The following ESRRG variants were observed in gnomAD, a reference collection of about 807,000 sequenced individuals.
ESRRG encodes estrogen related receptor gamma.
In ESRRG, 13 loss-of-function variants were observed where a neutral mutation model predicts 44.0. The observed-to-expected ratio is 0.30, with a 90% CI of 0.19 to 0.47. The LOEUF is 0.47. Among genes scored for constraint, ESRRG ranks in the 20% least tolerant of loss-of-function variants. ESRRG has a pLI of 1.00. For missense variants in ESRRG, 395 were observed against 580.6 expected, an observed-to-expected ratio of 0.68 and a Z score of 3.29; for synonymous variants, 215 against 214.6, an observed-to-expected ratio of 1.00 and a Z score of -0.02.
At chr1:217,009,168 C>T (rs1447123983) in intron 1 of ESRRG, among the ~76,000 whole-genome samples, 1 of 152,174 alleles carries the variant, frequency 6.6e-6, no homozygotes, top group African/African-American at 2.4e-5. Flanking sequence ...CTAAATGCTA[C>T]ATGCTTGAAA....
chr1:217,004,651 G>T (rs1560441095), intron 1 of ESRRG, among the ~76,000 whole-genome samples: 1 of 152,130 alleles, frequency 6.6e-6, no homozygotes, highest in African/African-American at 2.4e-5. Context: ...GGTAAGCCAT[G>T]GGCATATAAT....
intron 2 of ESRRG, among the ~76,000 whole-genome samples, chr1:216,676,237 G>T (rs1410295070): frequency 6.6e-6 from 1 of 152,042 alleles, no homozygotes; most frequent in African/African-American, 2.4e-5. Flanking sequence ...TAGATTACCA[G>T]TTTAAAAGGG....
At chr1:216,515,628 T>C (rs1004283352) in intron 6 of ESRRG, among the ~76,000 whole-genome samples, 2 of 152,136 alleles carry the variant, frequency 1.3e-5, no homozygotes, top group Admixed American at 1.3e-4. Flanking sequence ...GTGCTATTAT[T>C]CTGGAAATAA....
intron 3 of ESRRG, among the ~76,000 whole-genome samples, chr1:216,617,300 C>T (rs943693724): frequency 6.6e-6 from 1 of 151,998 alleles, no homozygotes; most frequent in Non-Finnish European, 1.5e-5. Context: ...AAATAGGTGA[C>T]ACTATTTATA....
chr1:217,132,716 T>C (rs1407338189), intron 1 of ESRRG, among the ~76,000 whole-genome samples: 2 of 152,114 alleles, frequency 1.3e-5, no homozygotes, highest in East Asian at 3.9e-4. Context: ...CACTCTCTTG[T>C]TGCTTCTTCT....
chr1:217,059,829 T>C lies in ESRRG; in HGVS notation c.-106+29678A>G, dbSNP rs543553585. ...CAAATGGCTCTGGACCCTCAATAGA[T>C]AAATTGTAAGGAAATAAAAGGAATT... On this transcript the variant is annotated intron_variant, in intron 1 of 7. Coordinates refer to the ESRRG transcript ENST00000359162. Among the ~76,000 whole-genome samples the C allele has an allele frequency of 2.0e-5, 3 of 152,038 alleles. No homozygotes were observed. The East Asian group carries it at 5.8e-4, about 29-fold the overall frequency.
At chr1:216,790,582 T>C (rs1576584486) in intron 2 of ESRRG, among the ~76,000 whole-genome samples, 2 of 152,114 alleles carry the variant, frequency 1.3e-5, no homozygotes, top group East Asian at 3.9e-4. Context: ...TATGCAAAGA[T>C]GGAAAAAATC....
intron 1 of ESRRG, among the ~76,000 whole-genome samples, chr1:216,974,362 T>C (rs983792906): frequency 6.6e-6 from 1 of 152,148 alleles, no homozygotes; most frequent in African/African-American, 2.4e-5. Context: ...CTATTATATA[T>C]CTTTTTTAAA....
intron 1 of ESRRG, among the ~76,000 whole-genome samples, chr1:217,086,545 A>G (rs1214659551): frequency 6.6e-6 from 1 of 152,226 alleles, no homozygotes; most frequent in Non-Finnish European, 1.5e-5. Flanking sequence ...AATAATTGAA[A>G]AGTATAATGA....
At chr1:217,034,330 C>A (rs2082514692) in intron 1 of ESRRG, among the ~76,000 whole-genome samples, 1 of 152,148 alleles carries the variant, frequency 6.6e-6, no homozygotes. Context: ...ACCCATATAG[C>A]CACATTTTTA....
Position 216,507,029 on chromosome 1 carries a change from G to C in ESRRG, c.1287C>G (p.Thr429=). The C allele has an allele frequency of 6.2e-7, 1 of 1,614,126 alleles. No homozygotes were observed. The highest frequency in any genetic ancestry group is 8.5e-7 in the Non-Finnish European group (1 of 1,179,998). The stretch of plus-strand genomic sequence containing the variant: ...TGTTGTAGAAATGCTGCACGGCCTT[G>C]GTAGAGGTCTGCCTCAGGAGTGGCA... ...MTLPLLRQTS[T]KAVQHFYNIK... The change falls in exon 7 of 7, where the codon ACC becomes ACG. Residue 429 remains threonine (T), a synonymous_variant. Transcript: ENST00000408911.
At chr1:216,906,498 A>C (rs1024653008) in intron 2 of ESRRG, among the ~76,000 whole-genome samples, 2 of 152,142 alleles carry the variant, frequency 1.3e-5, no homozygotes, top group Non-Finnish European at 2.9e-5. Flanking sequence ...TTGAACAGCA[A>C]AGCCCTCCCG....
At chr1:216,938,852 A>G (rs987702571) in intron 2 of ESRRG, among the ~76,000 whole-genome samples, 1 of 152,216 alleles carries the variant, frequency 6.6e-6, no homozygotes, top group African/African-American at 2.4e-5. Flanking sequence ...ACACTCTCCA[A>G]CAAAAGAATC....
intron 1 of ESRRG, among the ~76,000 whole-genome samples, chr1:217,019,365 G>T (rs1198345512): frequency 1.3e-5 from 2 of 152,112 alleles, no homozygotes; most frequent in Non-Finnish European, 2.9e-5. Context: ...TTTCATAAAG[G>T]CATGACTTTC....
intron 5 of ESRRG, among the ~76,000 whole-genome samples, chr1:216,560,346 A>G (rs560409560): frequency 1.3e-4 from 20 of 152,320 alleles, no homozygotes; most frequent in African/African-American, 4.8e-4. Flanking sequence ...AAAATAAACA[A>G]GCAGACCTGA....
chr1:216,608,341 T>C (rs767134388), intron 3 of ESRRG, among the ~76,000 whole-genome samples: 1 of 152,344 alleles, frequency 6.6e-6, no homozygotes, highest in African/African-American at 2.4e-5. Flanking sequence ...CTGGTCTCAT[T>C]GCTTTTGGGG....
intron 3 of ESRRG, among the ~76,000 whole-genome samples, chr1:216,575,762 A>G (rs2061579961): frequency 6.6e-6 from 1 of 152,090 alleles, no homozygotes; most frequent in South Asian, 2.1e-4. Flanking sequence ...CATTTGGTAT[A>G]TATTCCAAAA....
chr1:216,527,349 C>T (rs2047973928), intron 5 of ESRRG, among the ~76,000 whole-genome samples: 1 of 152,056 alleles, frequency 6.6e-6, no homozygotes, highest in African/African-American at 2.4e-5. Context: ...TCTTGTATTT[C>T]TTTCTTCCAT....
At chr1:217,020,516 A>T (rs1176304753) in intron 1 of ESRRG, among the ~76,000 whole-genome samples, 1 of 152,212 alleles carries the variant, frequency 6.6e-6, no homozygotes, top group Non-Finnish European at 1.5e-5. Flanking sequence ...TTGTCTTGAT[A>T]ACAGCCCTAC....
Sources: allele counts gnomAD v4.1 joint callset (sites outside exome capture counted in the v4.1 genomes callset), GRCh38; gene constraint gnomAD v4.1.1; transcripts MANE v1.5; gene names NCBI Gene and HGNC (gene_info 2026-07-23, HGNC 2026-07-21).